The following FHOD3 variants were observed in gnomAD, a reference collection of about 807,000 sequenced individuals.
FHOD3 encodes FH1/FH2 domain-containing protein 3.
A neutral mutation model predicts 173.0 loss-of-function variants in FHOD3; 90 were observed. The observed-to-expected ratio is 0.52, with a 90% confidence interval of 0.44 to 0.62. The LOEUF (loss-of-function observed/expected upper bound fraction) is 0.62, where lower values mean the gene tolerates loss of function less well. FHOD3 is among the 20% of genes least tolerant of loss of function. The pLI is 0.00. For synonymous variants in FHOD3, 828 were observed against 823.0 expected, an observed-to-expected ratio of 1.01 and a Z score of -0.10; for missense variants, 1,945 against 2,034.7, an observed-to-expected ratio of 0.96 and a Z score of 0.85.
intron 3 of FHOD3, among the ~76,000 whole-genome samples, chr18:36,453,462 C>T (rs1265439153): frequency 6.6e-6 from 1 of 152,270 alleles, no homozygotes; most frequent in African/African-American, 2.4e-5. Flanking sequence ...AAATCTGCCT[C>T]TCACTGCACA....
At chr18:36,423,213 C>T (rs1415468051) in intron 3 of FHOD3, among the ~76,000 whole-genome samples, 1 of 152,054 alleles carries the variant, frequency 6.6e-6, no homozygotes, top group Non-Finnish European at 1.5e-5. Flanking sequence ...TCGATAAGAG[C>T]AATATACACT....
rs898639367 is a variant in FHOD3 at position 36,518,716 on chromosome 18, A to G, written c.511+6173A>G. 5.9e-5 allele frequency among the ~76,000 whole-genome samples: 9 copies of G among 152,318 alleles called. No individual in the cohort carries two copies. The East Asian group carries it at 1.5e-3, about 26-fold the overall frequency. On this transcript the variant is annotated intron_variant, in intron 5 of 28. Transcript: ENST00000590592. ...CTTGAAGTACTGAAAACTTAAGCCGACCCAGGCCCTGTGGGATGTGGACTG... is the reference window on the plus strand; with the variant it reads ...CTTGAAGTACTGAAAACTTAAGCCGGCCCAGGCCCTGTGGGATGTGGACTG...
chr18:36,688,900 G>A (rs1568610670), intron 16 of FHOD3, among the ~76,000 whole-genome samples: 1 of 152,170 alleles, frequency 6.6e-6, no homozygotes. Flanking sequence ...TGGCAAACTC[G>A]TAAGAGGAGG....
At chr18:36,485,471 A>G (rs892620306) in intron 3 of FHOD3, among the ~76,000 whole-genome samples, 1 of 152,158 alleles carries the variant, frequency 6.6e-6, no homozygotes, top group Non-Finnish European at 1.5e-5. Flanking sequence ...GGTTTCTCTT[A>G]GCAGCTCCCA....
intron 3 of FHOD3, among the ~76,000 whole-genome samples, chr18:36,411,199 T>C (rs1568235711): frequency 6.6e-6 from 1 of 152,216 alleles, no homozygotes; most frequent in Non-Finnish European, 1.5e-5. Flanking sequence ...GGGTCCAATT[T>C]AATTTTTTTT....
At chr18:36,439,997 C>A (rs965398341) in intron 3 of FHOD3, among the ~76,000 whole-genome samples, 1 of 152,076 alleles carries the variant, frequency 6.6e-6, no homozygotes, top group African/African-American at 2.4e-5. Context: ...ACAGACACAC[C>A]CAGAAATAAT....
intron 20 of FHOD3, among the ~76,000 whole-genome samples, chr18:36,733,980 G>A (rs1273405837): frequency 2.0e-5 from 3 of 152,126 alleles, no homozygotes; most frequent in Admixed American, 1.3e-4. Flanking sequence ...GGCCCTGGAG[G>A]GGCCCTCCAG....
intron 3 of FHOD3, among the ~76,000 whole-genome samples, chr18:36,410,407 A>C (rs925782944): frequency 3.3e-5 from 5 of 152,238 alleles, no homozygotes; most frequent in African/African-American, 1.2e-4. Flanking sequence ...ATTCACCAGC[A>C]GATAGACATT....
intron 13 of FHOD3, among the ~76,000 whole-genome samples, chr18:36,654,709 C>A (rs1275353081): frequency 6.6e-6 from 1 of 152,156 alleles, no homozygotes; most frequent in Non-Finnish European, 1.5e-5. Context: ...TCTAGTTTTT[C>A]CCTGGATAAA....
At chr18:36,376,560 A>T (rs1343733168) in intron 3 of FHOD3, among the ~76,000 whole-genome samples, 1 of 152,204 alleles carries the variant, frequency 6.6e-6, no homozygotes, top group Non-Finnish European at 1.5e-5. Flanking sequence ...GACAGAGATG[A>T]GTCAGGCAGA....
chr18:36,338,926 C>T (rs916425084), intron 1 of FHOD3, among the ~76,000 whole-genome samples: 2 of 152,044 alleles, frequency 1.3e-5, no homozygotes, highest in African/African-American at 4.8e-5. Context: ...GAAGGAGAGC[C>T]GGGCACTGGC....
intron 5 of FHOD3, among the ~76,000 whole-genome samples, chr18:36,536,361 G>T (rs2056992435): frequency 6.6e-6 from 1 of 152,144 alleles, no homozygotes; most frequent in Non-Finnish European, 1.5e-5. Flanking sequence ...TTAAACCATT[G>T]CTCTGTGTAT....
At chr18:36,559,310 G>A (rs748046302) in intron 5 of FHOD3, among the ~76,000 whole-genome samples, 4 of 152,122 alleles carry the variant, frequency 2.6e-5, no homozygotes, top group African/African-American at 4.8e-5. Context: ...TCCTCTCTGC[G>A]GCTGCTTCTC....
rs565304542 is a variant in FHOD3, at chr18:36,780,203, T to C, written c.*673T>C. ...GATCCTTTGGGCTGTATTTTGTTAATAGAGTGAGTAACATCAACAGTGTGC... is the reference window on the plus strand; with the variant it reads ...GATCCTTTGGGCTGTATTTTGTTAACAGAGTGAGTAACATCAACAGTGTGC... On this transcript the variant is annotated 3_prime_UTR_variant, in exon 29 of 29. Coordinates refer to ENST00000590592, the MANE Select transcript of FHOD3 (RefSeq NM_001281740.3). 4.1e-6 allele frequency: 5 copies of C among 1,231,646 alleles called. No homozygotes were observed. Among genetic ancestry groups the C allele is most frequent in the African/African-American group, 3.1e-5 (2 of 64,538 alleles). The allele number at this position is 1,231,646 out of a possible 1,614,324, so 76.3% of individuals were successfully genotyped here. A position where few individuals can be genotyped will look rare whatever the true frequency, so the allele number is the denominator to read the frequency against.
chr18:36,310,977 A>G (rs566983041), intron 1 of FHOD3, among the ~76,000 whole-genome samples: 74 of 152,330 alleles, frequency 4.9e-4, no homozygotes, highest in African/African-American at 1.7e-3. Flanking sequence ...GCTGTTGTCA[A>G]TGACCACAAA....
intron 3 of FHOD3, among the ~76,000 whole-genome samples, chr18:36,413,802 G>A (rs1006988811): frequency 6.6e-6 from 1 of 152,094 alleles, no homozygotes; most frequent in African/African-American, 2.4e-5. Flanking sequence ...GTACATTTCA[G>A]TGTCATTACT....
intron 18 of FHOD3, among the ~76,000 whole-genome samples, chr18:36,712,582 A>G (rs1366155365): frequency 2.0e-5 from 3 of 152,192 alleles, no homozygotes; most frequent in African/African-American, 7.2e-5. Context: ...AATGACAGAA[A>G]AAAAGAGACT....
At chr18:36,638,766 G>C (rs1282115808) in intron 10 of FHOD3, among the ~76,000 whole-genome samples, 1 of 152,156 alleles carries the variant, frequency 6.6e-6, no homozygotes, top group East Asian at 1.9e-4. Flanking sequence ...CAGTGGTGTG[G>C]AGAGGCAGGA....
chr18:36,452,048 G>C (rs557477717), intron 3 of FHOD3, among the ~76,000 whole-genome samples: 77 of 152,178 alleles, frequency 5.1e-4, no homozygotes, highest in African/African-American at 1.8e-3. Context: ...TTTCAAGCTG[G>C]GCTCCTGGGG....
Sources: gnomAD v4.1 joint callset for allele counts (sites outside exome capture counted in the v4.1 genomes callset) on GRCh38, gnomAD v4.1.1 for gene constraint, MANE v1.5 for transcripts, NCBI Gene and HGNC (gene_info 2026-07-23, HGNC 2026-07-21) for gene names.